Variants in ZMYM2 observed in about 807,000 individuals in gnomAD.
ZMYM2 encodes zinc finger MYM-type containing 2.
A neutral mutation model predicts 162.8 loss-of-function variants in ZMYM2; 56 were observed. The ratio of observed to expected loss-of-function variants is 0.34; its 90% CI spans 0.28 to 0.43. ZMYM2 has a LOEUF of 0.43. Ranked by LOEUF, ZMYM2 falls within the 20% of genes least tolerant of loss-of-function variation. ZMYM2 has a pLI of 1.00. For synonymous variants in ZMYM2, 510 were observed against 541.6 expected (o/e 0.94, Z 0.81); for missense variants, 1,275 against 1,621.8 (o/e 0.79, Z 3.67).
At chr13:20,022,850 G>A (rs1952240163) in intron 7 of ZMYM2, among the ~76,000 whole-genome samples, 1 of 151,912 alleles carries the variant, frequency 6.6e-6, no homozygotes, top group Admixed American at 6.6e-5. Context: ...CAGTGCTTTG[G>A]ATTCCTTTGG....
At chr13:19,955,179 G>A (rs187883914), upstream of ZMYM2, among the ~76,000 whole-genome samples, 5 of 151,268 alleles carry the variant, frequency 3.3e-5, no homozygotes, top group South Asian at 2.1e-4. Flanking sequence ...TGGATTATGC[G>A]GTAGCATAGT....
At chr13:19,953,544 C>T in the ZMYM2 span, among the ~76,000 whole-genome samples, 29 of 151,752 alleles carry the variant, frequency 1.9e-4, no homozygotes, top group Non-Finnish European at 3.8e-4. Flanking sequence ...ATTAGCTGGG[C>T]GTGGTGGCGC....
chr13:19,964,440 T>C (rs1955560271), intron 2 of ZMYM2, among the ~76,000 whole-genome samples: 1 of 152,100 alleles, frequency 6.6e-6, no homozygotes, highest in Non-Finnish European at 1.5e-5. Context: ...AATAGGTCGG[T>C]TTTTTGTAGA....
intron 1 of ZMYM2, among the ~76,000 whole-genome samples, chr13:19,959,217 C>T (rs1034702593): frequency 4.0e-5 from 6 of 148,680 alleles, no homozygotes; most frequent in Non-Finnish European, 6.0e-5. Flanking sequence ...GTGCCGGCCG[C>T]CCGGGGAGGT....
chr13:19,925,198 T>C, the ZMYM2 span, among the ~76,000 whole-genome samples: 10 of 152,316 alleles, frequency 6.6e-5, no homozygotes, highest in African/African-American at 2.2e-4. Flanking sequence ...ATTGAAACTT[T>C]CATACTGTTT....
chr13:19,908,960 G>C, the ZMYM2 span, among the ~76,000 whole-genome samples: 3 of 152,254 alleles, frequency 2.0e-5, no homozygotes, highest in African/African-American at 7.2e-5. Flanking sequence ...AGAACACATT[G>C]TGAGAACTAT....
At chr13:20,066,556 TA>T (rs1355979088) in intron 19 of ZMYM2, 1 of 250,032 alleles carries the variant, frequency 4.0e-6, no homozygotes, top group Non-Finnish European at 7.5e-6. Context: ...AAAATATATT[TA>T]CGATTCATTA....
intron 7 of ZMYM2, among the ~76,000 whole-genome samples, chr13:20,022,663 G>A (rs143587616): frequency 9.9e-4 from 151 of 152,190 alleles, no homozygotes; most frequent in South Asian, 2.5e-3. Context: ...TTTTTAAACC[G>A]TTTTTTCTCT....
intron 2 of ZMYM2, among the ~76,000 whole-genome samples, chr13:19,980,318 T>G (rs1258912676): frequency 6.6e-6 from 1 of 152,176 alleles, no homozygotes; most frequent in Non-Finnish European, 1.5e-5. Flanking sequence ...CATTGTATAC[T>G]AAATTCCTTG....
intron 9 of ZMYM2, among the ~76,000 whole-genome samples, chr13:20,029,016 T>C (rs909166364): frequency 2.0e-5 from 3 of 152,214 alleles, no homozygotes; most frequent in Non-Finnish European, 4.4e-5. Flanking sequence ...TTTTGAACTT[T>C]ATATCTTCAT....
chr13:19,907,051 G>A, the ZMYM2 span, among the ~76,000 whole-genome samples: 5 of 151,940 alleles, frequency 3.3e-5, no homozygotes, highest in African/African-American at 1.2e-4. Context: ...TTTACCTCTT[G>A]TTCATAATGG....
rs1951125999 is a variant in ZMYM2, at chr13:20,010,964, ATACTT to A, written c.1512+4379_1512+4383del. Among the ~76,000 whole-genome samples the A allele has an allele frequency of 2.0e-5, 3 of 152,194 alleles. No homozygotes were observed. In the South Asian group the frequency reaches 6.2e-4, roughly 32 times the overall value. Reference sequence around the variant, plus strand: ...CTCTTTTATTTTTAGTTGATATGTAATACTTGTATATACGTAGGGGATACAGAGTG... The same window carrying A: ...CTCTTTTATTTTTAGTTGATATGTAAGTATATACGTAGGGGATACAGAGTG... On this transcript the variant is annotated intron_variant, in intron 6 of 24. Transcript: ENST00000610343.
the ZMYM2 span, among the ~76,000 whole-genome samples, chr13:19,942,692 A>C: frequency 6.6e-6 from 1 of 152,088 alleles, no homozygotes; most frequent in African/African-American, 2.4e-5. Context: ...CCTGAGCTAC[A>C]GGGAGAGATC....
chr13:19,995,567 C>T (rs150916172), intron 3 of ZMYM2, among the ~76,000 whole-genome samples: 9 of 152,044 alleles, frequency 5.9e-5, no homozygotes, highest in East Asian at 1.9e-4. Context: ...TTAGTAGAGA[C>T]GGGGTTTCAC....
At chr13:20,078,751 A>T (rs1046053798) in intron 21 of ZMYM2, among the ~76,000 whole-genome samples, 23 of 152,214 alleles carry the variant, frequency 1.5e-4, no homozygotes, top group Non-Finnish European at 2.6e-4. Flanking sequence ...TGGTATTTTT[A>T]AAATGTTAAA....
At chr13:19,934,374 G>A in the ZMYM2 span, among the ~76,000 whole-genome samples, 1 of 152,046 alleles carries the variant, frequency 6.6e-6, no homozygotes. Flanking sequence ...TGGTCAGGCT[G>A]GTCTTGAACT....
intron 12 of ZMYM2, among the ~76,000 whole-genome samples, chr13:20,048,426 C>CT (rs1025617549): frequency 4.6e-5 from 7 of 151,848 alleles, no homozygotes; most frequent in African/African-American, 1.2e-4. Flanking sequence ...TCCCTGCATT[C>CT]TTTTTTAAAA....
intron 23 of ZMYM2, 116 bp from the exon 24 acceptor site, chr13:20,083,540 C>T: frequency 1.3e-6 from 1 of 784,128 alleles, no homozygotes; most frequent in South Asian, 2.0e-5. Flanking sequence ...GAAGCCATAA[C>T]TTAAAACTCC....
At chr13:20,007,537 A>T (rs1406146338) in intron 6 of ZMYM2, among the ~76,000 whole-genome samples, 3 of 152,096 alleles carry the variant, frequency 2.0e-5, no homozygotes, top group African/African-American at 4.8e-5. Context: ...TTTATTTATT[A>T]AATGTTTTAT....
Sources: gnomAD v4.1 joint callset for allele counts (sites outside exome capture counted in the v4.1 genomes callset) on GRCh38, gnomAD v4.1.1 for gene constraint, MANE v1.5 for transcripts, NCBI Gene and HGNC (gene_info 2026-07-23, HGNC 2026-07-21) for gene names.